Variants in ASTN2 observed in about 807,000 individuals in gnomAD.
ASTN2 encodes the protein astrotactin 2.
ASTN2 carries 54 observed loss-of-function variants against 139.8 expected under a neutral mutation model. That is an observed-to-expected ratio of 0.39 (90% CI 0.31 to 0.48). The LOEUF is 0.48. Among genes scored for constraint, ASTN2 ranks in the 20% least tolerant of loss-of-function variants. The pLI, the probability that ASTN2 is intolerant of heterozygous loss-of-function variation, is 0.95. For synonymous variants in ASTN2, 756 were observed against 719.5 expected (o/e 1.05, Z -0.81); for missense variants, 1,565 against 1,725.1 (o/e 0.91, Z 1.64).
intron 16 of ASTN2, among the ~76,000 whole-genome samples, chr9:116,680,426 G>A (rs1452403753): frequency 5.3e-5 from 8 of 152,170 alleles, no homozygotes; most frequent in Non-Finnish European, 1.0e-4. Flanking sequence ...TGGATTCACA[G>A]CCGAATTCTA....
In ASTN2 at chr9:117,176,140, A is replaced by T. The variant is rs931483756; in HGVS notation, c.1016-34662T>A. Among the ~76,000 whole-genome samples the T allele has an allele frequency of 1.3e-4, 20 of 152,256 alleles. 1 individual carries two copies. The highest frequency in any genetic ancestry group is 1.0e-3 in the South Asian group (5 of 4,830). ...ACCTCATTATTATCTTTGACATGCAAATTAAATAATCATTGAAGTTATAAT... is the reference window on the plus strand; with the variant it reads ...ACCTCATTATTATCTTTGACATGCATATTAAATAATCATTGAAGTTATAAT... On this transcript the variant is annotated intron_variant, in intron 3 of 22. Transcript: ENST00000313400.
chr9:116,628,624 A>G (rs7030458), intron 17 of ASTN2, among the ~76,000 whole-genome samples: 3,567 of 152,270 alleles, frequency 0.023, 135 homozygotes, highest in African/African-American at 0.081. Context: ...GGCAGTGAAA[A>G]TACTCTGTGT....
chr9:116,620,311 C>G lies in ASTN2; in HGVS notation c.3205G>C (p.Val1069Leu). The part of the protein sequence containing the change: ...LPNCSPLLQP[V>L]LRLSPTVEPS... ...GGAAAAGGGGCCATACATACGTACA[C>G]CGGCTGCAGAAGGGGGCTGCAGTTG... Residue 1069 changes from valine (V) to leucine (L), a missense_variant and splice_region_variant, in exon 18 of 23, where the codon GTG becomes CTG. This residue lies in a region of ASTN2 where 418 missense variants were observed against 465.8 expected (regional missense o/e 0.90). Transcript: ENST00000313400. The G allele has an allele frequency of 6.2e-7, 1 of 1,614,114 alleles. No homozygotes were observed. Among genetic ancestry groups the G allele is most frequent in the Non-Finnish European group, 8.5e-7 (1 of 1,180,022 alleles).
At chr9:116,459,280 A>C (rs2118958506) in intron 20 of ASTN2, among the ~76,000 whole-genome samples, 1 of 152,226 alleles carries the variant, frequency 6.6e-6, no homozygotes, top group South Asian at 2.1e-4. Flanking sequence ...TTAAAGACCT[A>C]AATGTAAAGG....
At chr9:116,980,224 C>T (rs1461791809) in intron 7 of ASTN2, among the ~76,000 whole-genome samples, 2 of 151,950 alleles carry the variant, frequency 1.3e-5, no homozygotes, top group Non-Finnish European at 2.9e-5. Context: ...TGTCCATCTC[C>T]TAGAGCTGAT....
At chr9:116,963,003 G>A (rs919393816) in intron 10 of ASTN2, among the ~76,000 whole-genome samples, 4 of 152,106 alleles carry the variant, frequency 2.6e-5, no homozygotes, top group Non-Finnish European at 5.9e-5. Flanking sequence ...TTAGAACTGG[G>A]AATACAATGA....
chr9:117,294,674 G>C (rs150406557), intron 1 of ASTN2, among the ~76,000 whole-genome samples: 37 of 152,246 alleles, frequency 2.4e-4, no homozygotes, highest in African/African-American at 8.2e-4. Flanking sequence ...CCATGTTACT[G>C]TCCATACACA....
At chr9:116,721,744 T>C (rs1360137009) in intron 16 of ASTN2, among the ~76,000 whole-genome samples, 1 of 152,180 alleles carries the variant, frequency 6.6e-6, no homozygotes, top group Admixed American at 6.5e-5. Context: ...CCCTACGGAC[T>C]ACTGGAAAGC....
intron 19 of ASTN2, among the ~76,000 whole-genome samples, chr9:116,537,482 G>C (rs72759986): frequency 6.6e-6 from 1 of 152,216 alleles, no homozygotes; most frequent in African/African-American, 2.4e-5. Flanking sequence ...ATGAGACACA[G>C]TGATATGTGT....
chr9:116,601,365 C>T (rs1227578477), intron 19 of ASTN2, among the ~76,000 whole-genome samples: 1 of 152,172 alleles, frequency 6.6e-6, no homozygotes, highest in East Asian at 1.9e-4. Flanking sequence ...GATACCTATT[C>T]ATCAAATATT....
intron 5 of ASTN2, among the ~76,000 whole-genome samples, chr9:117,070,110 G>T (rs373046070): frequency 7.0e-6 from 1 of 142,574 alleles, no homozygotes; most frequent in African/African-American, 2.6e-5. Flanking sequence ...AGTCTCGATG[G>T]TCTTTACATT....
intron 10 of ASTN2, among the ~76,000 whole-genome samples, chr9:116,933,978 CCTTTTTT>C (rs1834986670): frequency 3.3e-5 from 1 of 30,742 alleles, no homozygotes. Context: ...AAGTGTTAGT[CCTTTTTT>C]TTTTTTTTTT....
chr9:116,565,387 C>CTCTCTCT (rs1491583433), intron 19 of ASTN2, among the ~76,000 whole-genome samples: 533 of 41,876 alleles, frequency 0.013, 24 homozygotes, highest in Middle Eastern at 0.042. Flanking sequence ...CTCTCTCTCT[C>CTCTCTCT]CATATATATA....
intron 1 of ASTN2, among the ~76,000 whole-genome samples, chr9:117,339,254 G>A (rs1420700527): frequency 6.6e-6 from 1 of 152,142 alleles, no homozygotes; most frequent in African/African-American, 2.4e-5. Flanking sequence ...ACTATCAAGT[G>A]GCAGAATCAG....
At chr9:117,252,595 CGTTAT>C (rs1236727059) in intron 2 of ASTN2, among the ~76,000 whole-genome samples, 2 of 152,100 alleles carry the variant, frequency 1.3e-5, no homozygotes, top group African/African-American at 4.8e-5. Context: ...AAAAACAAAT[CGTTAT>C]GTTGTTAGAG....
At chr9:117,344,737 C>T (rs114138867) in intron 1 of ASTN2, among the ~76,000 whole-genome samples, 4 of 152,018 alleles carry the variant, frequency 2.6e-5, no homozygotes, top group Admixed American at 6.6e-5. Flanking sequence ...AGAATGAACA[C>T]GGGTTTCAAC....
At chr9:116,718,835 C>T (rs1828387424) in intron 16 of ASTN2, among the ~76,000 whole-genome samples, 2 of 151,818 alleles carry the variant, frequency 1.3e-5, no homozygotes, top group African/African-American at 4.8e-5. Flanking sequence ...ACTGGAATTA[C>T]ACCATCTGCT....
intron 5 of ASTN2, among the ~76,000 whole-genome samples, chr9:117,040,497 C>T (rs1263807515): frequency 3.3e-5 from 5 of 152,146 alleles, no homozygotes. Flanking sequence ...CTCGCTTTGT[C>T]GCCCAGGCTA....
chr9:117,319,473 G>T lies in ASTN2; in HGVS notation c.443-27960C>A, dbSNP rs141805123. On this transcript the variant is annotated intron_variant, in intron 1 of 22. Transcript: ENST00000313400. ...AGACAGCATCTCACTCTATTGCCCA[G>T]GCTGGAGTGCATTGGTGCAATCTTG... Among the ~76,000 whole-genome samples the T allele has an allele frequency of 9.7e-3, 1,472 of 152,124 alleles. 26 individuals carry two copies. Among genetic ancestry groups the T allele is most frequent in the African/African-American group, 0.033 (1,364 of 41,480 alleles).
Sources: allele counts gnomAD v4.1 joint callset (sites outside exome capture counted in the v4.1 genomes callset), GRCh38; gene constraint gnomAD v4.1.1; regional missense constraint gnomAD v4.1.1; transcripts MANE v1.5; gene names NCBI Gene and HGNC (gene_info 2026-07-23, HGNC 2026-07-21).